IRAK3: variants seen among roughly 807,000 people sequenced by gnomAD.
IRAK3 encodes the protein interleukin 1 receptor associated kinase 3.
Under a neutral mutation model 56.6 loss-of-function variants are expected in IRAK3, and 57 were observed. That is an observed-to-expected ratio of 1.01 (90% CI 0.81 to 1.26). The LOEUF is 1.26. Ranked by LOEUF, IRAK3 falls within the 50% of genes most tolerant of loss-of-function variation. The probability of loss-of-function intolerance (pLI) is 0.00; values close to 1 mark genes in which losing one functional copy is unlikely to be tolerated. For missense variants in IRAK3, 703 were observed against 719.0 expected (o/e 0.98, Z 0.25); for synonymous variants, 258 against 255.7 (o/e 1.01, Z -0.09).
Position 66,200,520 on chromosome 12 carries a change from G to A in IRAK3, c.134-3191G>A, listed in dbSNP as rs191189975. Among the ~76,000 whole-genome samples the A allele has an allele frequency of 2.2e-3, 341 of 152,274 alleles. 3 individuals are homozygous for A. Among genetic ancestry groups the A allele is most frequent in the Non-Finnish European group, 2.0e-3 (137 of 68,026 alleles). ...GGATAGAGGGTTGGAAGTATTGGCA[G>A]CACTAGTAATGTCTACCGGGTCAAT... On this transcript the variant is annotated intron_variant, in intron 1 of 11. Transcript: ENST00000261233.
At position 66,245,000 on chromosome 12, in the gene IRAK3, A is replaced by G. The variant is rs750232526; in HGVS notation, c.1139A>G (p.His380Arg). The G allele has an allele frequency of 1.4e-5, 23 of 1,613,820 alleles. No homozygotes were observed. The highest frequency in any genetic ancestry group is 1.8e-5 in the Non-Finnish European group (21 of 1,179,798). ...GCRVVLDDPK[H>R]IQLRDLLREL... ...AGAGTAGTGTTAGATGATCCAAAAC[A>G]TATCCAGCTGGTAAGAATTGTTTTC... Residue 380 changes from histidine to arginine, a missense_variant, in exon 10 of 12, where the codon CAT (histidine) becomes CGT (arginine). Coordinates refer to ENST00000261233, the MANE Select transcript of IRAK3 (RefSeq NM_007199.3).
At position 66,245,215 on chromosome 12, in the gene IRAK3, G is replaced by A; in HGVS notation, c.1267G>A (p.Gly423Ser). 6.2e-7 allele frequency: 1 copy of A among 1,614,148 alleles called. No individual in the cohort carries two copies. Among genetic ancestry groups the A allele is most frequent in the Non-Finnish European group, 8.5e-7 (1 of 1,180,034 alleles). ...NFSAKLFCLA[G>S]RCAATRAKLR... ...CTCTGCCAAGCTCTTCTGTTTGGCA[G>A]GCCGGTGTGCTGCAACGCGGGCAAA... Residue 423 changes from glycine (G) to serine (S), a missense_variant, in exon 11 of 12, where the codon GGC becomes AGC. Transcript: ENST00000261233.
chr12:66,228,462 C>T, intron 8 of IRAK3, 92 bp downstream of exon 8: 1 of 869,516 alleles, frequency 1.2e-6, no homozygotes. Flanking sequence ...CTGTAGTTCT[C>T]CTGGTATGTA....
chr12:66,194,173 C>T (rs764127153), intron 1 of IRAK3, among the ~76,000 whole-genome samples: 3 of 152,184 alleles, frequency 2.0e-5, no homozygotes, highest in East Asian at 3.9e-4. Flanking sequence ...TCCCAAAGTG[C>T]TGGGATTACA....
At chr12:66,195,650 C>T (rs549873574) in intron 1 of IRAK3, among the ~76,000 whole-genome samples, 1 of 152,000 alleles carries the variant, frequency 6.6e-6, no homozygotes, top group Non-Finnish European at 1.5e-5. Flanking sequence ...CTACTCTGAC[C>T]ACTCTTTTGT....
At position 66,203,861 on chromosome 12, in the gene IRAK3, A is replaced by C; in HGVS notation, c.284A>C (p.His95Pro). The C allele has an allele frequency of 1.9e-6, 3 of 1,614,016 alleles. No homozygotes were observed. Among genetic ancestry groups the C allele is most frequent in the Non-Finnish European group, 2.5e-6 (3 of 1,179,862 alleles). Residue 95 changes from histidine to proline, a missense_variant, in exon 2 of 12, where the codon CAT becomes CCT. Physicochemically the swap from His to Pro is moderately conservative, Grantham distance 77 (BLOSUM62 -2). Transcript: ENST00000261233. ...DLLQVLQEMG[H>P]RRAIHLITNY... is the part of the protein sequence containing the mutation. ...TTACAGGTCCTCCAGGAGATGGGAC[A>C]TCGTCGAGCTATTCATTTAATTACA...
chr12:66,226,280 C>T (rs1175152320), intron 6 of IRAK3, among the ~76,000 whole-genome samples: 1 of 150,338 alleles, frequency 6.7e-6, no homozygotes, highest in East Asian at 1.9e-4. Flanking sequence ...TCGCTCTTGT[C>T]GCACAGGCTG....
chr12:66,195,514 C>T (rs185818052), intron 1 of IRAK3, among the ~76,000 whole-genome samples: 1 of 152,172 alleles, frequency 6.6e-6, no homozygotes, highest in Non-Finnish European at 1.5e-5. Flanking sequence ...CTTTCTTCTC[C>T]CTCTTGTTTG....
intron 6 of IRAK3, among the ~76,000 whole-genome samples, chr12:66,224,152 G>A (rs970998133): frequency 5.9e-5 from 9 of 152,110 alleles, no homozygotes; most frequent in African/African-American, 2.2e-4. Context: ...TGTTTCAAGT[G>A]CTTTACATGT....
intron 1 of IRAK3, 133 bp downstream of exon 1, chr12:66,189,565 G>A (rs2052379866): frequency 8.4e-6 from 4 of 475,716 alleles, no homozygotes; most frequent in African/African-American, 4.2e-5. Flanking sequence ...CCAGGGAGCC[G>A]GCCCCCTCCT....
At chr12:66,232,081 A>G (rs2052849820) in intron 8 of IRAK3, among the ~76,000 whole-genome samples, 1 of 152,276 alleles carries the variant, frequency 6.6e-6, no homozygotes, top group Middle Eastern at 3.2e-3. Context: ...AAAGATACAG[A>G]GTACCCAGAG....
At chr12:66,247,160 C>T (rs11465983) in intron 11 of IRAK3, among the ~76,000 whole-genome samples, 1,793 of 152,208 alleles carry the variant, frequency 0.012, 40 homozygotes, top group African/African-American at 0.042. Flanking sequence ...ATACCAGCTA[C>T]TTGGGAGGCT....
At chr12:66,201,101 G>A (rs1212945881) in intron 1 of IRAK3, among the ~76,000 whole-genome samples, 3 of 152,204 alleles carry the variant, frequency 2.0e-5, no homozygotes, top group African/African-American at 7.2e-5. Flanking sequence ...ACAGATGTGA[G>A]CCACCACGCC....
chr12:66,211,813 A>G (rs73125373), intron 5 of IRAK3, among the ~76,000 whole-genome samples: 111 of 152,324 alleles, frequency 7.3e-4, no homozygotes, highest in Non-Finnish European at 1.4e-3. Flanking sequence ...ATGTTATAGC[A>G]TGAAAGACTT....
In IRAK3 at chr12:66,247,994, T is replaced by C. The variant is rs141377441; in HGVS notation, c.1614T>C (p.Ser538=). 2.5e-4 allele frequency: 395 copies of C among 1,603,964 alleles called. 2 individuals are homozygous for C. The African/African-American group carries it at 4.7e-3, about 19-fold the overall frequency. ...NEEACNMPSS[S]CEESWFPKYI... is the part of the protein sequence containing the mutation. ...AAGCTTGCAACATGCCCAGTTCTTC[T>C]TGTGAAGAAAGTTGGTTCCCAAAGT... Residue 538 remains serine, a synonymous_variant, in exon 12 of 12, where the codon TCT becomes TCC. Transcript: ENST00000261233.
chr12:66,245,911 T>C (rs187977812), intron 11 of IRAK3, among the ~76,000 whole-genome samples: 2 of 152,284 alleles, frequency 1.3e-5, no homozygotes, highest in African/African-American at 4.8e-5. Context: ...CATTTATTTG[T>C]TTATTTGCAC....
intron 8 of IRAK3, among the ~76,000 whole-genome samples, chr12:66,232,128 A>G (rs1394468049): frequency 6.6e-6 from 1 of 152,248 alleles, no homozygotes; most frequent in Non-Finnish European, 1.5e-5. Context: ...TGGAAGAGAC[A>G]AGGCTTGAAA....
At chr12:66,210,829 G>T (rs1056744746) in intron 4 of IRAK3, among the ~76,000 whole-genome samples, 1 of 152,136 alleles carries the variant, frequency 6.6e-6, no homozygotes, top group African/African-American at 2.4e-5. Flanking sequence ...TCTTCAGAGA[G>T]GATTTTGTAT....
At chr12:66,220,778 C>T (rs1381328222) in intron 6 of IRAK3, among the ~76,000 whole-genome samples, 1 of 152,066 alleles carries the variant, frequency 6.6e-6, no homozygotes, top group Admixed American at 6.6e-5. Flanking sequence ...CCTCGGCCTC[C>T]CAAAGTGCTG....
Sources: gnomAD v4.1 joint callset for allele counts (sites outside exome capture counted in the v4.1 genomes callset) on GRCh38, gnomAD v4.1.1 for gene constraint, MANE v1.5 for transcripts, NCBI Gene and HGNC (gene_info 2026-07-23, HGNC 2026-07-21) for gene names.